ASB5: variants seen among roughly 807,000 people sequenced by gnomAD.
ASB5 encodes ankyrin repeat and SOCS box containing 5, also known as ankyrin repeat and SOCS box protein 5.
ASB5 carries 45 observed loss-of-function variants against 42.1 expected under a neutral mutation model. That is an observed-to-expected ratio of 1.07 (90% CI 0.84 to 1.37). The LOEUF is 1.37. Ranked by LOEUF, ASB5 falls within the 40% of genes most tolerant of loss-of-function variation. The pLI is 0.00. For missense variants in ASB5, 402 were observed against 399.8 expected (o/e 1.01, Z -0.05); for synonymous variants, 147 against 150.6 (o/e 0.98, Z 0.18).
chr4:176,237,452 G>T (rs1192667591), intron 1 of ASB5: 13 of 985,758 alleles, frequency 1.3e-5, no homozygotes, highest in Non-Finnish European at 1.4e-5. Context: ...TGACAACCAG[G>T]TGTCATAAGT....
intron 1 of ASB5, among the ~76,000 whole-genome samples, chr4:176,234,839 G>C (rs1753644818): frequency 6.6e-6 from 1 of 152,142 alleles, no homozygotes. Context: ...TAAAATGGGG[G>C]CAATCATACT....
rs535434184 is a variant in ASB5, at chr4:176,249,872, T to C, written c.196+19041A>G. 2.8e-4 allele frequency among the ~76,000 whole-genome samples: 42 copies of C among 151,924 alleles called. No individual in the cohort carries two copies. The South Asian group carries it at 3.9e-3, about 14-fold the overall frequency. ...CGAGGTCAGGAGATGGAGACCATCC[T>C]GGCTAACACAGTGAAACCCCGTCTC... On this transcript the variant is annotated intron_variant, in intron 1 of 6. Coordinates refer to ENST00000296525, the MANE Select transcript of ASB5 (RefSeq NM_080874.4).
chr4:176,270,184 T>C (rs1206110118), upstream of ASB5, among the ~76,000 whole-genome samples: 1 of 152,140 alleles, frequency 6.6e-6, no homozygotes, highest in East Asian at 1.9e-4. Context: ...AAATACAAAA[T>C]ATCATTTCTT....
chr4:176,225,508 A>G lies in ASB5; in HGVS notation c.197-167T>C, dbSNP rs1224338795. 2.0e-5 allele frequency among the ~76,000 whole-genome samples: 3 copies of G among 152,200 alleles called. No homozygotes were observed. In the East Asian group the frequency reaches 5.8e-4, roughly 29 times the overall value. On this transcript the variant is annotated intron_variant, in intron 1 of 6. Coordinates refer to ENST00000296525, the MANE Select transcript of ASB5 (RefSeq NM_080874.4). ...CATTAGGAAATTTGACTCTTATTGC[A>G]GGAACCAGATAGGCAGTTCCCAACA...
chr4:176,252,131 G>T (rs1019117838), intron 1 of ASB5, among the ~76,000 whole-genome samples: 9 of 151,358 alleles, frequency 5.9e-5, no homozygotes, highest in African/African-American at 1.5e-4. Context: ...TTTTTATTTG[G>T]CGGAGTGTGC....
intron 1 of ASB5, among the ~76,000 whole-genome samples, chr4:176,250,702 A>G (rs956364064): frequency 1.2e-4 from 18 of 152,222 alleles, no homozygotes; most frequent in African/African-American, 4.3e-4. Context: ...GACTCTTTCC[A>G]ATGTACTAGA....
chr4:176,261,437 C>A (rs1357134096), intron 1 of ASB5, among the ~76,000 whole-genome samples: 1 of 152,138 alleles, frequency 6.6e-6, no homozygotes, highest in African/African-American at 2.4e-5. Flanking sequence ...ATATATGCTT[C>A]GAAATGTGTG....
At chr4:176,273,270 T>C (rs1157300951), upstream of ASB5, among the ~76,000 whole-genome samples, 1 of 152,208 alleles carries the variant, frequency 6.6e-6, no homozygotes, top group Non-Finnish European at 1.5e-5. Context: ...ACAGGGTTGT[T>C]GAGGATTATT....
At chr4:176,272,920 T>A (rs1369000215), upstream of ASB5, among the ~76,000 whole-genome samples, 1 of 151,192 alleles carries the variant, frequency 6.6e-6, no homozygotes, top group African/African-American at 2.4e-5. Context: ...GAGGGAAATA[T>A]AGTGACCCAC....
intron 1 of ASB5, among the ~76,000 whole-genome samples, chr4:176,260,931 T>G (rs764902235): frequency 5.3e-5 from 8 of 152,296 alleles, no homozygotes; most frequent in Middle Eastern, 3.4e-3. Flanking sequence ...TACCTCAGCC[T>G]CCCATAGTGC....
chr4:176,249,851 G>A (rs1753990806), intron 1 of ASB5, among the ~76,000 whole-genome samples: 1 of 151,884 alleles, frequency 6.6e-6, no homozygotes, highest in Non-Finnish European at 1.5e-5. Flanking sequence ...GGATCACGAG[G>A]TCAGGAGATG....
upstream of ASB5, among the ~76,000 whole-genome samples, chr4:176,271,113 C>T (rs1473932755): frequency 2.6e-5 from 4 of 152,152 alleles, no homozygotes; most frequent in South Asian, 2.1e-4. Flanking sequence ...CAAAAAACTA[C>T]AGTATAATAT....
At chr4:176,249,317 C>T (rs939439160) in intron 1 of ASB5, among the ~76,000 whole-genome samples, 3 of 152,170 alleles carry the variant, frequency 2.0e-5, no homozygotes, top group Non-Finnish European at 4.4e-5. Flanking sequence ...AAACAAAGTT[C>T]TGACCATTTT....
chr4:176,263,368 CAG>C (rs1414121938), intron 1 of ASB5, among the ~76,000 whole-genome samples: 1 of 86,268 alleles, frequency 1.2e-5, no homozygotes, highest in Non-Finnish European at 2.8e-5. Flanking sequence ...TAAAATTTGA[CAG>C]AGTCTTTTCT....
In ASB5 at chr4:176,229,356, G is replaced by T. The variant is rs896948090; in HGVS notation, c.197-4015C>A. On this transcript the variant is annotated intron_variant, in intron 1 of 6. Transcript: ENST00000296525. ...CTAGTATACCATGATGACCTTTAAG[G>T]GGAAGTAAAGCTAACAATATTTGTA... Among the ~76,000 whole-genome samples the T allele has an allele frequency of 2.0e-5, 3 of 152,094 alleles. 1 individual carries two copies. The East Asian group carries it at 5.8e-4, about 29-fold the overall frequency.
In ASB5 at chr4:176,238,911, T is replaced by C. The variant is rs191544304; in HGVS notation, c.197-13570A>G. On this transcript the variant is annotated intron_variant, in intron 1 of 6. Coordinates refer to ENST00000296525, the MANE Select transcript of ASB5 (RefSeq NM_080874.4). ...AAGTTCTAATCCTACCAGCTGTTTG[T>C]GTGACCTGGAGCGAGTAGCTTAATG... 3.5e-4 allele frequency among the ~76,000 whole-genome samples: 53 copies of C among 152,372 alleles called. 3 individuals carry two copies. Among genetic ancestry groups the C allele is most frequent in the African/African-American group, 1.3e-3 (53 of 41,592 alleles).
chr4:176,215,508 T>C lies in ASB5; in HGVS notation c.*92A>G. 7.4e-7 allele frequency: 1 copy of C among 1,343,720 alleles called. No individual in the cohort carries two copies. The highest frequency in any genetic ancestry group is 1.0e-6 in the Non-Finnish European group (1 of 984,628). 83.2% of individuals were successfully genotyped at this position (1,343,720 alleles called of 1,614,324 possible). On this transcript the variant is annotated 3_prime_UTR_variant, in exon 7 of 7. Transcript: ENST00000296525. ...CTGGGTGATCTCACACTCACTTTTATCCTATCTTTAGCATATTTTTATATG... is the reference window on the plus strand; with the variant it reads ...CTGGGTGATCTCACACTCACTTTTACCCTATCTTTAGCATATTTTTATATG...
upstream of ASB5, among the ~76,000 whole-genome samples, chr4:176,273,342 G>T (rs181088423): frequency 1.0e-3 from 154 of 152,210 alleles, no homozygotes; most frequent in African/African-American, 3.7e-3. Context: ...GCCAATGATG[G>T]CTGATAAAGG....
intron 1 of ASB5, among the ~76,000 whole-genome samples, chr4:176,240,374 T>C (rs1246298752): frequency 1.3e-5 from 2 of 152,200 alleles, no homozygotes; most frequent in Non-Finnish European, 2.9e-5. Context: ...ACTATTGTAT[T>C]TCCATTTTAA....
Sources: gnomAD v4.1 joint callset for allele counts (sites outside exome capture counted in the v4.1 genomes callset) on GRCh38, gnomAD v4.1.1 for gene constraint, MANE v1.5 for transcripts, NCBI Gene and HGNC (gene_info 2026-07-23, HGNC 2026-07-21) for gene names.